The following BRINP3 variants were observed in gnomAD, a reference collection of about 807,000 sequenced individuals.
BRINP3 encodes BMP/retinoic acid inducible neural specific 3.
In BRINP3, 19 loss-of-function variants were observed where a neutral mutation model predicts 71.0. That is an observed-to-expected ratio of 0.27 (90% CI 0.19 to 0.39). BRINP3 has a LOEUF of 0.39. Ranked by LOEUF, BRINP3 falls within the 10% of genes least tolerant of loss-of-function variation. The pLI is 1.00. For synonymous variants in BRINP3, 380 were observed against 337.7 expected (o/e 1.13, Z -1.37); for missense variants, 959 against 940.8 (o/e 1.02, Z -0.25).
chr1:190,120,199 C>G (rs964941058), intron 7 of BRINP3, among the ~76,000 whole-genome samples: 2 of 152,078 alleles, frequency 1.3e-5, no homozygotes, highest in Admixed American at 6.6e-5. Flanking sequence ...TTCTGAAAAT[C>G]CCAGGTTTTT....
chr1:190,241,496 G>A (rs937487230), intron 4 of BRINP3, among the ~76,000 whole-genome samples: 1 of 151,824 alleles, frequency 6.6e-6, no homozygotes, highest in African/African-American at 2.4e-5. Context: ...TGGCAATAAA[G>A]TTACAATAAA....
chr1:190,315,065 A>G (rs1030494170), intron 2 of BRINP3, among the ~76,000 whole-genome samples: 34 of 152,226 alleles, frequency 2.2e-4, no homozygotes, highest in Admixed American at 2.1e-3. Context: ...CTCAGATTGA[A>G]GGGAGAGGGT....
chr1:190,435,272 G>T (rs1033151486), intron 2 of BRINP3, among the ~76,000 whole-genome samples: 2 of 152,022 alleles, frequency 1.3e-5, no homozygotes, highest in Non-Finnish European at 2.9e-5. Flanking sequence ...CAGAATGTGT[G>T]GAATAAGATT....
At chr1:190,150,081 G>T (rs959165081) in intron 7 of BRINP3, among the ~76,000 whole-genome samples, 2 of 152,052 alleles carry the variant, frequency 1.3e-5, no homozygotes, top group Non-Finnish European at 2.9e-5. Flanking sequence ...ATTTGTGCTG[G>T]TATGCATCTC....
intron 2 of BRINP3, among the ~76,000 whole-genome samples, chr1:190,446,041 A>T (rs1350245760): frequency 6.6e-6 from 1 of 152,124 alleles, no homozygotes; most frequent in African/African-American, 2.4e-5. Flanking sequence ...AATTTATAGT[A>T]ACGATTATAC....
chr1:190,128,366 C>T (rs1654258111), intron 7 of BRINP3, among the ~76,000 whole-genome samples: 1 of 151,704 alleles, frequency 6.6e-6, no homozygotes, highest in Non-Finnish European at 1.5e-5. Context: ...AAATATTTAT[C>T]ACACAATTAC....
intron 2 of BRINP3, among the ~76,000 whole-genome samples, chr1:190,447,279 T>C (rs1205506422): frequency 7.7e-6 from 1 of 130,402 alleles, no homozygotes; most frequent in Non-Finnish European, 1.7e-5. Flanking sequence ...ACTATTACCC[T>C]ATATATATAG....
chr1:190,247,791 C>A (rs575236442), intron 4 of BRINP3, among the ~76,000 whole-genome samples: 63 of 151,978 alleles, frequency 4.1e-4, no homozygotes, highest in Admixed American at 1.7e-3. Flanking sequence ...TGATCTCCTC[C>A]AAGCTATTCC....
At chr1:190,294,736 T>C (rs770011784) in intron 2 of BRINP3, among the ~76,000 whole-genome samples, 1 of 152,084 alleles carries the variant, frequency 6.6e-6, no homozygotes, top group African/African-American at 2.4e-5. Context: ...TTGCCTTGTT[T>C]GTACCTGTCC....
At chr1:190,459,158 G>C (rs1676214546) in intron 1 of BRINP3, among the ~76,000 whole-genome samples, 1 of 149,262 alleles carries the variant, frequency 6.7e-6, no homozygotes, top group African/African-American at 2.5e-5. Context: ...AAATAACTGT[G>C]AAGACCACAT....
At chr1:190,436,435 T>C (rs1026875894) in intron 2 of BRINP3, among the ~76,000 whole-genome samples, 19 of 151,828 alleles carry the variant, frequency 1.3e-4, no homozygotes, top group African/African-American at 4.6e-4. Context: ...AATCATCCCA[T>C]GACCTTCTTA....
rs1339281369 is a variant in BRINP3, at chr1:190,187,903, AT to A, written c.962-27014del. ...CGTTCAAATTTCAGTTTTTTTTTCT[AT>A]TTTTTTTGAAAAATCTTATTGATAT... On this transcript the variant is annotated intron_variant, in intron 6 of 7. Transcript: ENST00000367462. Among the ~76,000 whole-genome samples the A allele has an allele frequency of 4.2e-5, 6 of 143,824 alleles. No individual in the cohort carries two copies. In the East Asian group the frequency reaches 8.1e-4, roughly 19 times the overall value. The allele number at this position is 143,824 out of a possible 152,430, so 94.4% of individuals were successfully genotyped here.
At chr1:190,100,679 T>C (rs1445370835) in intron 7 of BRINP3, among the ~76,000 whole-genome samples, 2 of 152,180 alleles carry the variant, frequency 1.3e-5, no homozygotes, top group South Asian at 4.1e-4. Context: ...CGCAAAAGCC[T>C]TTCTTGTCCA....
chr1:190,415,354 A>G (rs1352416774), intron 2 of BRINP3, among the ~76,000 whole-genome samples: 2 of 152,214 alleles, frequency 1.3e-5, no homozygotes, highest in African/African-American at 4.8e-5. Context: ...AAGGATAAAT[A>G]TTGTGTAACT....
chr1:190,288,388 T>A (rs1663596269), intron 2 of BRINP3, among the ~76,000 whole-genome samples: 1 of 152,022 alleles, frequency 6.6e-6, no homozygotes, highest in South Asian at 2.1e-4. Context: ...CATTAATAGA[T>A]ATAAATATTT....
chr1:190,283,761 A>T (rs1663216806), intron 2 of BRINP3, among the ~76,000 whole-genome samples: 1 of 151,324 alleles, frequency 6.6e-6, no homozygotes, highest in African/African-American at 2.4e-5. Context: ...TAGTAATACA[A>T]AACTTCTAAG....
rs955762761 is a variant in BRINP3, at chr1:190,245,071, G to C, written c.619-10594C>G. Among the ~76,000 whole-genome samples the C allele has an allele frequency of 2.0e-5, 3 of 151,872 alleles. No homozygotes were observed. In the East Asian group the frequency reaches 5.8e-4, roughly 30 times the overall value. On this transcript the variant is annotated intron_variant, in intron 4 of 7. Transcript: ENST00000367462. ...AATACCTGTGCACAGACTAGCTAAA[G>C]TTTTATACTGAGGCCGTCATATTCT...
rs1278162355 is a variant in BRINP3 at position 190,183,437 on chromosome 1, G to T, written c.962-22547C>A. Among the ~76,000 whole-genome samples, 4 of 151,916 alleles carry T rather than the reference G, an allele frequency of 2.6e-5. No individual in the cohort carries two copies. In the East Asian group the frequency reaches 7.7e-4, roughly 29 times the overall value. ...AACTCATGTCTGACTCTGCTCAAAGGGGGAATAAAGATAATGACAGATTAA... is the reference window on the plus strand; with the variant it reads ...AACTCATGTCTGACTCTGCTCAAAGTGGGAATAAAGATAATGACAGATTAA... On this transcript the variant is annotated intron_variant, in intron 6 of 7. Transcript: ENST00000367462.
intron 4 of BRINP3, among the ~76,000 whole-genome samples, chr1:190,240,893 A>C (rs895788148): frequency 3.3e-5 from 5 of 149,522 alleles, no homozygotes; most frequent in Non-Finnish European, 5.9e-5. Flanking sequence ...AAAAAAAAAA[A>C]AAAAAAACCA....
Sources: allele counts gnomAD v4.1 joint callset (sites outside exome capture counted in the v4.1 genomes callset), GRCh38; gene constraint gnomAD v4.1.1; transcripts MANE v1.5; gene names NCBI Gene and HGNC (gene_info 2026-07-23, HGNC 2026-07-21).